Variants in TMEM26 observed in about 807,000 individuals in gnomAD.
TMEM26 encodes transmembrane protein 26.
A neutral mutation model predicts 28.8 loss-of-function variants in TMEM26; 38 were observed. That is an observed-to-expected ratio of 1.32 (90% CI 1.02 to 1.73). The LOEUF is 1.73. Ranked by LOEUF, TMEM26 falls within the 40% of genes most tolerant of loss-of-function variation. The pLI is 0.00. For missense variants in TMEM26, 518 were observed against 447.1 expected (o/e 1.16, Z -1.43); for synonymous variants, 227 against 182.9 (o/e 1.24, Z -1.95).
chr10:61,412,991 A>AAATGGGT, intron 5 of TMEM26: 1 of 1,253,898 alleles, frequency 8.0e-7, no homozygotes, highest in Non-Finnish European at 1.0e-6. Flanking sequence ...AAGTTCTAAT[A>AAATGGGT]CATGGGTCTG....
intron 4 of TMEM26, chr10:61,414,992 G>T (rs957186661): frequency 5.1e-6 from 5 of 985,314 alleles, no homozygotes; most frequent in African/African-American, 3.5e-5. Context: ...CTCTCCAATG[G>T]GTTGTTGAAG....
chr10:61,432,143 G>A (rs1839933234), intron 2 of TMEM26, among the ~76,000 whole-genome samples: 1 of 151,790 alleles, frequency 6.6e-6, no homozygotes, highest in Admixed American at 6.6e-5. Context: ...TTAAGAGTTT[G>A]TTTCTTATCC....
rs114596237 is a variant in TMEM26, at chr10:61,420,131, T to C, written c.606-6596A>G. On this transcript the variant is annotated intron_variant, in intron 4 of 5. Transcript: ENST00000399298. ...ATAAAGTCAATTAACACATATTTTG[T>C]ATGTTATATGTATTACACACTTTAT... 8.0e-3 allele frequency among the ~76,000 whole-genome samples: 1,220 copies of C among 152,308 alleles called. 10 individuals are homozygous for C. Among genetic ancestry groups the C allele is most frequent in the African/African-American group, 0.024 (978 of 41,572 alleles).
At chr10:61,448,581 C>A (rs566537605) in intron 1 of TMEM26, among the ~76,000 whole-genome samples, 4 of 150,604 alleles carry the variant, frequency 2.7e-5, no homozygotes, top group Non-Finnish European at 4.4e-5. Flanking sequence ...AAAATGCTAC[C>A]TTTTAAAATG....
chr10:61,444,829 G>A (rs973471015), intron 1 of TMEM26, among the ~76,000 whole-genome samples: 2 of 152,036 alleles, frequency 1.3e-5, no homozygotes, highest in Non-Finnish European at 2.9e-5. Context: ...CTGGGAAGAA[G>A]AATCCTTCTC....
chr10:61,433,680 T>C (rs898198932), intron 2 of TMEM26, among the ~76,000 whole-genome samples: 1 of 152,152 alleles, frequency 6.6e-6, no homozygotes, highest in Non-Finnish European at 1.5e-5. Flanking sequence ...GATGTTTTCC[T>C]AATGCCAAGT....
chr10:61,414,175 C>A (rs768971508), intron 4 of TMEM26: 7 of 516,026 alleles, frequency 1.4e-5, no homozygotes, highest in Non-Finnish European at 1.7e-5. Flanking sequence ...TTAAAAGCAC[C>A]AAAGAAGGGT....
chr10:61,423,462 G>T (rs979015400), intron 4 of TMEM26, among the ~76,000 whole-genome samples: 1 of 152,178 alleles, frequency 6.6e-6, no homozygotes, highest in African/African-American at 2.4e-5. Flanking sequence ...AAATATTACA[G>T]ACTGAGCACA....
chr10:61,437,658 G>A (rs1208292769), intron 1 of TMEM26, among the ~76,000 whole-genome samples: 1 of 152,056 alleles, frequency 6.6e-6, no homozygotes, highest in African/African-American at 2.4e-5. Flanking sequence ...AGTGGTCTGG[G>A]CCTGTAATCC....
rs1839503869 is a variant in TMEM26, at chr10:61,406,898, A to T, written c.*3424T>A. The T allele has an allele frequency of 6.6e-6, 1 of 152,088 alleles. No homozygotes were observed. Among genetic ancestry groups the T allele is most frequent in the Non-Finnish European group, 1.5e-5 (1 of 67,970 alleles). 9.4% of individuals were successfully genotyped at this position (152,088 alleles called of 1,614,324 possible). ...TAAACATCCTCCAGCCGCCTAGTTT[A>T]ACCCCAAATCAGATGTTTCTGAGAG... On this transcript the variant is annotated 3_prime_UTR_variant, in exon 6 of 6. Coordinates refer to ENST00000399298, the MANE Select transcript of TMEM26 (RefSeq NM_178505.8).
At chr10:61,445,848 A>G (rs1840171766) in intron 1 of TMEM26, among the ~76,000 whole-genome samples, 1 of 152,122 alleles carries the variant, frequency 6.6e-6, no homozygotes, top group African/African-American at 2.4e-5. Flanking sequence ...GTTGGAAAAA[A>G]ACTTAAGGTA....
rs148927118 is a variant in TMEM26 at position 61,436,560 on chromosome 10, A to G, written c.192-312T>C. Among the ~76,000 whole-genome samples, 79 of 152,344 alleles carry G rather than the reference A, an allele frequency of 5.2e-4. 1 individual carries two copies. Among genetic ancestry groups the G allele is most frequent in the South Asian group, 3.7e-3 (18 of 4,822 alleles). Reference sequence around the variant, plus strand: ...ACACTGCCAATTAGTTTCAGGCACAACACTGGATATTTTGTATTTAATATG... The same window carrying G: ...ACACTGCCAATTAGTTTCAGGCACAGCACTGGATATTTTGTATTTAATATG... On this transcript the variant is annotated intron_variant, in intron 1 of 5. Coordinates refer to ENST00000399298, the MANE Select transcript of TMEM26 (RefSeq NM_178505.8).
rs188280766 is a variant in TMEM26 at position 61,420,300 on chromosome 10, C to T, written c.606-6765G>A. Among the ~76,000 whole-genome samples the T allele has an allele frequency of 7.2e-5, 11 of 151,930 alleles. No individual in the cohort carries two copies. In the East Asian group the frequency reaches 1.5e-3, roughly 21 times the overall value. ...ATCTTCACATTGAGTTGACTGAGAA[C>T]GAGAAAGAACAGGAGAGGCTGGTTG... On this transcript the variant is annotated intron_variant, in intron 4 of 5. Coordinates refer to ENST00000399298, the MANE Select transcript of TMEM26 (RefSeq NM_178505.8).
chr10:61,449,578 TG>T (rs774564858), intron 1 of TMEM26, among the ~76,000 whole-genome samples: 1 of 152,238 alleles, frequency 6.6e-6, no homozygotes, highest in African/African-American at 2.4e-5. Flanking sequence ...TGGACTCGTT[TG>T]GGTCCAAGTG....
At chr10:61,437,485 T>C (rs1381450548) in intron 1 of TMEM26, among the ~76,000 whole-genome samples, 1 of 152,182 alleles carries the variant, frequency 6.6e-6, no homozygotes, top group Non-Finnish European at 1.5e-5. Flanking sequence ...ACTTTCCACA[T>C]TTATTTCTTC....
intron 1 of TMEM26, among the ~76,000 whole-genome samples, chr10:61,447,083 G>A (rs1159144600): frequency 6.6e-6 from 1 of 152,178 alleles, no homozygotes; most frequent in Non-Finnish European, 1.5e-5. Context: ...CACGAAGTGT[G>A]AAGAGGGAGA....
At chr10:61,443,021 C>T (rs1589043332) in intron 1 of TMEM26, among the ~76,000 whole-genome samples, 2 of 152,196 alleles carry the variant, frequency 1.3e-5, no homozygotes, top group Admixed American at 1.3e-4. Flanking sequence ...ACTAGCATGT[C>T]CCTCATCATT....
At position 61,431,345 on chromosome 10, in the gene TMEM26, T is replaced by G. The variant is rs749825456; in HGVS notation, c.271-13A>C. 2.7e-5 allele frequency: 43 copies of G among 1,607,970 alleles called. No individual in the cohort carries two copies. The highest frequency in any genetic ancestry group is 1.6e-4 in the Middle Eastern group (1 of 6,062). On this transcript the variant is annotated splice_polypyrimidine_tract_variant and intron_variant, in intron 2 of 5. Transcript: ENST00000399298. ...GGATACTGCAATACTAAGAATGGGG[T>G]CAGGGAAGGCAATTATGGCAAAAAA...
chr10:61,443,354 A>G (rs1943591557), intron 1 of TMEM26, among the ~76,000 whole-genome samples: 2 of 151,560 alleles, frequency 1.3e-5, no homozygotes, highest in Admixed American at 1.3e-4. Flanking sequence ...AGTCCCAGCT[A>G]CTCGGGAGGC....
Sources: allele counts gnomAD v4.1 joint callset (sites outside exome capture counted in the v4.1 genomes callset), GRCh38; gene constraint gnomAD v4.1.1; transcripts MANE v1.5; gene names NCBI Gene and HGNC (gene_info 2026-07-23, HGNC 2026-07-21).